Variants in TIPIN observed in about 807,000 individuals in gnomAD.
TIPIN encodes TIMELESS-interacting protein.
In TIPIN, 29 loss-of-function variants were observed where a neutral mutation model predicts 35.6. That is an observed-to-expected ratio of 0.82 (90% confidence interval 0.61 to 1.11). The LOEUF is 1.11. TIPIN is among the 50% of genes most tolerant of loss of function. The probability of loss-of-function intolerance (pLI) is 0.00; values close to 1 mark genes in which losing one functional copy is unlikely to be tolerated. For synonymous variants in TIPIN, 102 were observed against 121.5 expected (o/e 0.84, Z 1.06); for missense variants, 296 against 345.4 (o/e 0.86, Z 1.13).
intron 1 of TIPIN, chr15:66,379,998 C>CTTTTT (rs200332730): frequency 3.1e-4 from 98 of 313,772 alleles, no homozygotes; most frequent in Middle Eastern, 1.1e-3. Flanking sequence ...TTCTTTCTTT[C>CTTTTT]TTTCTTTTTT....
chr15:66,381,973 G>A lies in TIPIN; in HGVS notation c.-9+4634C>T, dbSNP rs1015845041. On this transcript the variant is annotated intron_variant, in intron 1 of 7. Coordinates refer to the TIPIN transcript ENST00000562124. Reference sequence around the variant, plus strand: ...CCAGCTACTTGGGAGGCTGAGGCAGGAGAACCGCTTGAACCTGGAAGGCAG... The same window carrying A: ...CCAGCTACTTGGGAGGCTGAGGCAGAAGAACCGCTTGAACCTGGAAGGCAG... 4.6e-5 allele frequency among the ~76,000 whole-genome samples: 7 copies of A among 152,220 alleles called. No homozygotes were observed. The East Asian group carries it at 1.4e-3, about 29-fold the overall frequency.
intron 1 of TIPIN, among the ~76,000 whole-genome samples, chr15:66,370,083 G>C (rs894113175): frequency 1.3e-5 from 2 of 152,044 alleles, no homozygotes; most frequent in Non-Finnish European, 2.9e-5. Flanking sequence ...AGAATATCCG[G>C]GATTCTGGAC....
intron 6 of TIPIN, among the ~76,000 whole-genome samples, chr15:66,346,064 A>G (rs2093122919): frequency 6.6e-6 from 1 of 151,520 alleles, no homozygotes; most frequent in South Asian, 2.1e-4. Flanking sequence ...CTACTGCCTT[A>G]GCCTCCCGAG....
chr15:66,377,300 T>C (rs1006554540), intron 1 of TIPIN, among the ~76,000 whole-genome samples: 4 of 152,174 alleles, frequency 2.6e-5, no homozygotes, highest in Non-Finnish European at 5.9e-5. Context: ...TATTGATGTA[T>C]TAATACTTTC....
intron 4 of TIPIN, among the ~76,000 whole-genome samples, chr15:66,350,399 G>C (rs1156867671): frequency 6.8e-6 from 1 of 147,918 alleles, no homozygotes; most frequent in Non-Finnish European, 1.5e-5. Context: ...TGAGTCAGGA[G>C]TTCCAGACCA....
At chr15:66,355,056 G>T (rs1469733172) in intron 1 of TIPIN, among the ~76,000 whole-genome samples, 2 of 141,896 alleles carry the variant, frequency 1.4e-5, no homozygotes, top group Non-Finnish European at 3.1e-5. Context: ...TTTTGAGAAG[G>T]AGTCTCGGGC....
At chr15:66,349,910 G>A (rs1045966529) in intron 4 of TIPIN, among the ~76,000 whole-genome samples, 4 of 152,044 alleles carry the variant, frequency 2.6e-5, no homozygotes, top group South Asian at 2.1e-4. Context: ...TAAGAACTTA[G>A]AGGACTGCAG....
intron 1 of TIPIN, 97 bp downstream of exon 1, chr15:66,356,542 A>T (rs1255351370): frequency 2.2e-6 from 2 of 895,996 alleles, no homozygotes; most frequent in Non-Finnish European, 1.3e-6. Flanking sequence ...CTTTCCCGCT[A>T]GTCTGTCTGG....
chr15:66,355,777 G>T (rs2093200554), intron 1 of TIPIN, among the ~76,000 whole-genome samples: 1 of 152,046 alleles, frequency 6.6e-6, no homozygotes, highest in African/African-American at 2.4e-5. Flanking sequence ...ATCAATTCCT[G>T]ATCATGACCC....
intron 1 of TIPIN, chr15:66,379,284 G>A (rs2140499871): frequency 1.3e-6 from 2 of 1,529,712 alleles, no homozygotes; most frequent in South Asian, 1.2e-5. Flanking sequence ...ATCACAAGTA[G>A]GTCTTAGGAG....
At chr15:66,339,144 A>G (rs1444232147) in intron 7 of TIPIN, among the ~76,000 whole-genome samples, 3 of 54,862 alleles carry the variant, frequency 5.5e-5, no homozygotes, top group African/African-American at 1.0e-4. Context: ...AAAAAAAAAA[A>G]AAAAAAAAAA....
chr15:66,350,536 C>T (rs1004671733), intron 4 of TIPIN, among the ~76,000 whole-genome samples: 1 of 150,974 alleles, frequency 6.6e-6, no homozygotes, highest in Non-Finnish European at 1.5e-5. Context: ...ACCCAAGCGG[C>T]GGAGGTTGCA....
At chr15:66,366,597 CAAAAA>C (rs757848258) in intron 1 of TIPIN, among the ~76,000 whole-genome samples, 60 of 92,230 alleles carry the variant, frequency 6.5e-4, no homozygotes, top group East Asian at 2.0e-3. Context: ...ACTAAATATA[CAAAAA>C]AAAAAAAAAA....
intron 7 of TIPIN, among the ~76,000 whole-genome samples, chr15:66,338,188 G>A (rs975749326): frequency 6.6e-5 from 10 of 151,898 alleles, no homozygotes; most frequent in Non-Finnish European, 1.2e-4. Flanking sequence ...CCTAGGAGGC[G>A]GAGGTTGCAG....
intron 1 of TIPIN, among the ~76,000 whole-genome samples, chr15:66,370,884 A>G (rs1251616860): frequency 6.6e-6 from 1 of 152,196 alleles, no homozygotes; most frequent in Non-Finnish European, 1.5e-5. Flanking sequence ...CACTGATCCT[A>G]TAATATCAAC....
chr15:66,347,302 C>T lies in TIPIN; in HGVS notation c.475+1758G>A, dbSNP rs149405648. On this transcript the variant is annotated intron_variant, in intron 6 of 7. Transcript: ENST00000261881. ...ATGTGTGTGACTGTCTATGGTTGCA[C>T]TGTACAACTAACAAATGCAATCAAT... 2.7e-3 allele frequency: 1,414 copies of T among 516,760 alleles called. 4 individuals are homozygous for T. Among genetic ancestry groups the T allele is most frequent in the Non-Finnish European group, 4.2e-3 (1,074 of 258,694 alleles). The allele number at this position is 516,760 out of a possible 1,614,324, so 32.0% of individuals were successfully genotyped here. A position where few individuals can be genotyped will look rare whatever the true frequency, so the allele number is the denominator to read the frequency against.
At chr15:66,376,344 C>A (rs1420244013) in intron 1 of TIPIN, among the ~76,000 whole-genome samples, 5 of 152,104 alleles carry the variant, frequency 3.3e-5, no homozygotes, top group Non-Finnish European at 7.4e-5. Flanking sequence ...ATTCCAGTTT[C>A]TTTTTTTCTG....
intron 2 of TIPIN, among the ~76,000 whole-genome samples, chr15:66,352,581 T>C (rs1408979177): frequency 1.3e-5 from 2 of 152,256 alleles, no homozygotes; most frequent in South Asian, 4.1e-4. Context: ...GGACCCACTG[T>C]GCCCAGCCTC....
intron 1 of TIPIN, among the ~76,000 whole-genome samples, chr15:66,374,365 T>C (rs943514511): frequency 1.3e-5 from 2 of 151,578 alleles, no homozygotes; most frequent in African/African-American, 4.9e-5. Flanking sequence ...TATTTGGATA[T>C]CTTCCCTTGT....
Sources: allele counts gnomAD v4.1 joint callset (sites outside exome capture counted in the v4.1 genomes callset), GRCh38; gene constraint gnomAD v4.1.1; transcripts MANE v1.5; gene names NCBI Gene and HGNC (gene_info 2026-07-23, HGNC 2026-07-21).